TENM4: variants seen among roughly 807,000 people sequenced by gnomAD.
TENM4 encodes the protein teneurin-4.
In TENM4, 82 loss-of-function variants were observed where a neutral mutation model predicts 243.3. That is an observed-to-expected ratio of 0.34 (90% confidence interval 0.28 to 0.40). The LOEUF (loss-of-function observed/expected upper bound fraction) is 0.40, where lower values mean the gene tolerates loss of function less well. TENM4 is among the 10% of genes least tolerant of loss of function. TENM4 has a pLI of 1.00. For synonymous variants in TENM4, 1,412 were observed against 1,456.3 expected (o/e 0.97, Z 0.69); for missense variants, 3,138 against 3,673.3 (o/e 0.85, Z 3.77).
intron 1 of TENM4, among the ~76,000 whole-genome samples, chr11:79,416,079 T>C (rs1266018099): frequency 3.3e-5 from 5 of 152,244 alleles, no homozygotes. Flanking sequence ...TTTATTCCTT[T>C]TTCACTGCTG....
chr11:78,768,460 C>CA (rs1856584380), intron 18 of TENM4, among the ~76,000 whole-genome samples: 1 of 152,200 alleles, frequency 6.6e-6, no homozygotes, highest in Admixed American at 6.5e-5. Context: ...TTTATCCTGG[C>CA]AATTGTCCCA....
intron 18 of TENM4, 138 bp downstream of exon 18, chr11:78,770,854 G>GTTTT: frequency 8.7e-7 from 1 of 1,153,716 alleles, no homozygotes; most frequent in South Asian, 1.5e-5. Flanking sequence ...CACATGTGCA[G>GTTTT]TTTTTTGCTT....
chr11:79,271,417 C>A (rs1471054171), intron 2 of TENM4, among the ~76,000 whole-genome samples: 1 of 152,236 alleles, frequency 6.6e-6, no homozygotes, highest in African/African-American at 2.4e-5. Context: ...TCATACCAAT[C>A]TGGAGTGTTC....
intron 4 of TENM4, among the ~76,000 whole-genome samples, chr11:79,136,761 C>A (rs1177813036): frequency 1.3e-5 from 2 of 152,134 alleles, no homozygotes; most frequent in Non-Finnish European, 2.9e-5. Context: ...CTCAGCATTG[C>A]CTCTGACCAA....
chr11:79,261,268 A>G lies in TENM4; in HGVS notation c.-265+36220T>C, dbSNP rs150869390. Among the ~76,000 whole-genome samples the G allele has an allele frequency of 4.6e-3, 694 of 152,268 alleles. 8 individuals are homozygous for G. Among genetic ancestry groups the G allele is most frequent in the African/African-American group, 0.016 (666 of 41,544 alleles). On this transcript the variant is annotated intron_variant, in intron 2 of 33. Coordinates refer to ENST00000278550, the MANE Select transcript of TENM4 (RefSeq NM_001098816.3). ...GACCTCTGCAGAAAAACTGAGCTGA[A>G]CTAGCAGGGTAGCCTCCATGCTTGT...
At chr11:78,942,813 C>CAAA (rs35375685) in intron 6 of TENM4, among the ~76,000 whole-genome samples, 1 of 111,846 alleles carries the variant, frequency 8.9e-6, no homozygotes, top group African/African-American at 3.3e-5. Context: ...TCATGACAGA[C>CAAA]AAAAAAAAAA....
At chr11:79,080,213 G>A (rs981590711) in intron 4 of TENM4, among the ~76,000 whole-genome samples, 2 of 152,148 alleles carry the variant, frequency 1.3e-5, no homozygotes, top group East Asian at 1.9e-4. Context: ...GTCCAACCTC[G>A]TTCCCTCTTT....
At chr11:79,133,568 A>C (rs1862052208) in intron 4 of TENM4, among the ~76,000 whole-genome samples, 2 of 152,218 alleles carry the variant, frequency 1.3e-5, no homozygotes, top group Admixed American at 6.5e-5. Context: ...CTATGGACCA[A>C]TAATCTTAAT....
intron 2 of TENM4, among the ~76,000 whole-genome samples, chr11:79,237,920 C>A (rs538397757): frequency 2.6e-5 from 4 of 152,278 alleles, no homozygotes; most frequent in South Asian, 2.1e-4. Context: ...TTTCAGCCCC[C>A]TTCCTGTCCA....
intron 27 of TENM4, among the ~76,000 whole-genome samples, 178 bp from the exon 28 acceptor site, chr11:78,702,581 A>C (rs1859135150): frequency 6.6e-6 from 1 of 152,210 alleles, no homozygotes; most frequent in Non-Finnish European, 1.5e-5. Flanking sequence ...GGAAACCATG[A>C]AAGAGCTGCC....
At chr11:79,335,588 A>C (rs1857134888) in intron 1 of TENM4, among the ~76,000 whole-genome samples, 1 of 152,236 alleles carries the variant, frequency 6.6e-6, no homozygotes, top group Non-Finnish European at 1.5e-5. Context: ...CCTTCTCAGA[A>C]GACACCAGAG....
intron 1 of TENM4, among the ~76,000 whole-genome samples, chr11:79,343,150 G>A (rs748692035): frequency 1.3e-5 from 2 of 152,222 alleles, no homozygotes; most frequent in African/African-American, 2.4e-5. Context: ...GGAATGAGGA[G>A]CTTCCTCCTC....
At chr11:79,269,785 G>C (rs73510677) in intron 2 of TENM4, 4,006 of 152,362 alleles carry the variant, frequency 0.026, 117 homozygotes, top group African/African-American at 0.058. Context: ...GCCCAGATCT[G>C]ATTGACAACG....
chr11:79,279,104 C>T lies in TENM4; in HGVS notation c.-265+18384G>A, dbSNP rs550629308. ...GACAAACAGGCACACACTGGGGCCA[C>T]GGAGGGTGGTCTCTACAAGCTGAAA... On this transcript the variant is annotated intron_variant, in intron 2 of 33. Coordinates refer to ENST00000278550, the MANE Select transcript of TENM4 (RefSeq NM_001098816.3). Among the ~76,000 whole-genome samples, 125 of 152,156 alleles carry T rather than the reference C, an allele frequency of 8.2e-4. 1 individual carries two copies. Among genetic ancestry groups the T allele is most frequent in the Non-Finnish European group, 1.6e-3 (106 of 68,038 alleles).
At chr11:79,421,728 C>T (rs1858935945) in intron 1 of TENM4, among the ~76,000 whole-genome samples, 1 of 151,556 alleles carries the variant, frequency 6.6e-6, no homozygotes, top group South Asian at 2.1e-4. Flanking sequence ...AAACAGTTAT[C>T]AGCAAGACAG....
intron 1 of TENM4, among the ~76,000 whole-genome samples, chr11:79,352,857 C>A (rs1857437983): frequency 6.6e-6 from 1 of 152,002 alleles, no homozygotes. Context: ...GTGCACCAGG[C>A]CCAAGTTCTT....
chr11:79,059,988 G>T (rs892527857), intron 6 of TENM4, among the ~76,000 whole-genome samples: 1 of 152,174 alleles, frequency 6.6e-6, no homozygotes, highest in African/African-American at 2.4e-5. Flanking sequence ...CTCCCTCACC[G>T]GTCATCTAGA....
intron 4 of TENM4, among the ~76,000 whole-genome samples, chr11:79,132,186 C>CAA (rs552066939): frequency 2.1e-5 from 3 of 145,336 alleles, no homozygotes; most frequent in African/African-American, 7.6e-5. Context: ...ACTAAAAATA[C>CAA]AAAAAAAAAA....
At chr11:79,167,161 C>T (rs1862932960) in intron 3 of TENM4, among the ~76,000 whole-genome samples, 1 of 152,342 alleles carries the variant, frequency 6.6e-6, no homozygotes, top group East Asian at 1.9e-4. Flanking sequence ...GCTCCTTTCA[C>T]ATTTGAACTC....
Sources: gnomAD v4.1 joint callset for allele counts (sites outside exome capture counted in the v4.1 genomes callset) on GRCh38, gnomAD v4.1.1 for gene constraint, MANE v1.5 for transcripts, NCBI Gene and HGNC (gene_info 2026-07-23, HGNC 2026-07-21) for gene names.